The following HEG1 variants were observed in gnomAD, a reference collection of about 807,000 sequenced individuals.
HEG1 encodes heart development protein with EGF like domains 1.
HEG1 carries 56 observed loss-of-function variants against 125.6 expected under a neutral mutation model. The observed-to-expected ratio is 0.45, with a 90% CI of 0.36 to 0.56. The LOEUF is 0.56. HEG1 is among the 20% of genes least tolerant of loss of function. HEG1 has a pLI of 0.00. For synonymous variants in HEG1, 644 were observed against 668.5 expected (o/e 0.96, Z 0.57); for missense variants, 1,523 against 1,670.0 (o/e 0.91, Z 1.53).
At chr3:125,050,708 G>T (rs1937787009) in intron 1 of HEG1, among the ~76,000 whole-genome samples, 1 of 152,086 alleles carries the variant, frequency 6.6e-6, no homozygotes, top group Non-Finnish European at 1.5e-5. Context: ...GTTCCCTGGG[G>T]GCATCACAGA....
At chr3:125,010,013 A>G (rs905517298) in intron 7 of HEG1, among the ~76,000 whole-genome samples, 189 bp from the exon 8 acceptor site, 1 of 152,250 alleles carries the variant, frequency 6.6e-6, no homozygotes, top group African/African-American at 2.4e-5. Context: ...CACATAAACA[A>G]CTAACTGTAA....
chr3:124,982,374 C>G (rs1170956990), intron 14 of HEG1, among the ~76,000 whole-genome samples: 2 of 152,220 alleles, frequency 1.3e-5, no homozygotes, highest in East Asian at 3.8e-4. Context: ...TAAGTGCCAA[C>G]TGAAGTGTTT....
At position 125,010,520 on chromosome 3, in the gene HEG1, C is replaced by G; in HGVS notation, c.2992G>C (p.Gly998Arg). 1 of 1,559,650 alleles carries G rather than the reference C, an allele frequency of 6.4e-7. No individual in the cohort carries two copies. The highest frequency in any genetic ancestry group is 8.7e-7 in the Non-Finnish European group (1 of 1,151,136). ...CTGGTGTTGTCTGCGACGCATTCGC[C>G]ATTGTGAAGACAAGGGTTCACAGCA... is the stretch of plus-strand genomic sequence containing the variant. ...SCAVNPCLHN[G>R]ECVADNTSRG... Residue 998 changes from glycine (G) to arginine (R), a missense_variant, in exon 7 of 17, where the codon GGC (glycine) becomes CGC (arginine). Physicochemically the swap from Gly to Arg is moderately radical, Grantham distance 125. Coordinates refer to ENST00000311127, the MANE Select transcript of HEG1 (RefSeq NM_020733.2).
In HEG1 at chr3:124,969,525, G is replaced by A. The variant is rs1233846044; in HGVS notation, c.*1127C>T. 3 of 152,334 alleles carry A rather than the reference G, an allele frequency of 2.0e-5. No individual in the cohort carries two copies. Among genetic ancestry groups the A allele is most frequent in the South Asian group, 4.1e-4 (2 of 4,826 alleles). The allele number at this position is 152,334 out of a possible 1,614,324, so 9.4% of individuals were successfully genotyped here. A position where few individuals can be genotyped will look rare whatever the true frequency, so the allele number is the denominator to read the frequency against. On this transcript the variant is annotated 3_prime_UTR_variant, in exon 17 of 17. Coordinates refer to ENST00000311127, the MANE Select transcript of HEG1 (RefSeq NM_020733.2). ...GGTTGAAAGTTTACATGGGGTTTGT[G>A]GACATGAGATTCTGGGTACAAAGTG...
chr3:124,994,046 C>A (rs932176940), intron 12 of HEG1, among the ~76,000 whole-genome samples: 1 of 152,152 alleles, frequency 6.6e-6, no homozygotes, highest in African/African-American at 2.4e-5. Context: ...ACGTTTTTGG[C>A]ACCAGTGACT....
chr3:125,050,278 G>A (rs1456681559), intron 1 of HEG1, among the ~76,000 whole-genome samples: 3 of 152,112 alleles, frequency 2.0e-5, no homozygotes, highest in African/African-American at 7.2e-5. Context: ...TGAGTAGCTG[G>A]GATTACAGGC....
intron 1 of HEG1, among the ~76,000 whole-genome samples, chr3:125,039,854 A>C (rs941800914): frequency 4.7e-5 from 7 of 149,920 alleles, no homozygotes; most frequent in African/African-American, 1.7e-4. Context: ...AAAAAACAAC[A>C]AAAAAAAACA....
rs142811105 is a variant in HEG1 at position 124,987,847 on chromosome 3, A to G, written c.3733+2940T>C. ...GCCTCTCTGTTTCTAACAATATCTTAGGATCAGGTCCGCAGGCTTGTGATG... is the reference window on the plus strand; with the variant it reads ...GCCTCTCTGTTTCTAACAATATCTTGGGATCAGGTCCGCAGGCTTGTGATG... On this transcript the variant is annotated intron_variant, in intron 14 of 16. Coordinates refer to ENST00000311127, the MANE Select transcript of HEG1 (RefSeq NM_020733.2). 2.1e-3 allele frequency among the ~76,000 whole-genome samples: 308 copies of G among 150,052 alleles called. 1 individual carries two copies. Among genetic ancestry groups the G allele is most frequent in the African/African-American group, 6.3e-3 (258 of 41,138 alleles).
At chr3:124,998,163 C>T (rs112164776) in intron 11 of HEG1, among the ~76,000 whole-genome samples, 29 of 152,248 alleles carry the variant, frequency 1.9e-4, no homozygotes, top group African/African-American at 5.8e-4. Context: ...TTAATGGCCC[C>T]GTGTCTTCCA....
At chr3:124,984,632 G>A (rs183556669) in intron 14 of HEG1, among the ~76,000 whole-genome samples, 12 of 152,034 alleles carry the variant, frequency 7.9e-5, no homozygotes, top group Admixed American at 4.6e-4. Flanking sequence ...TGGTGGTGGG[G>A]CCTGTAATTC....
chr3:125,005,635 G>C (rs891106457), intron 8 of HEG1, among the ~76,000 whole-genome samples: 1 of 152,190 alleles, frequency 6.6e-6, no homozygotes, highest in Non-Finnish European at 1.5e-5. Context: ...TATGTGCAAG[G>C]CTGCTAAGAG....
chr3:125,055,466 A>C (rs146587276), intron 1 of HEG1, 109 bp downstream of exon 1: 2 of 730,398 alleles, frequency 2.7e-6, no homozygotes, highest in Non-Finnish European at 3.6e-6. Context: ...AGGAGCCCCC[A>C]CCCTGGGTCG....
chr3:125,002,102 G>A, intron 10 of HEG1, 90 bp from the exon 11 acceptor site: 2 of 1,537,218 alleles, frequency 1.3e-6, no homozygotes, highest in Non-Finnish European at 1.8e-6. Flanking sequence ...CCATTCACCA[G>A]TGACGGGATG....
chr3:125,043,333 G>A (rs1373293625), intron 1 of HEG1, among the ~76,000 whole-genome samples: 1 of 152,278 alleles, frequency 6.6e-6, no homozygotes, highest in Non-Finnish European at 1.5e-5. Context: ...CGGGCATGAA[G>A]GAGGGATACA....
intron 12 of HEG1, among the ~76,000 whole-genome samples, chr3:124,992,534 G>GGA (rs1936851500): frequency 6.7e-6 from 1 of 149,938 alleles, no homozygotes; most frequent in Non-Finnish European, 1.5e-5. Flanking sequence ...ATACTTGATG[G>GGA]GATGGCAGAC....
chr3:125,021,169 G>A (rs750024528), intron 3 of HEG1, 39 bp from the exon 4 acceptor site: 11 of 1,455,254 alleles, frequency 7.6e-6, no homozygotes, highest in Non-Finnish European at 8.3e-6. Flanking sequence ...TTACTCAGGA[G>A]TTTAAGAAAA....
chr3:125,037,788 G>C (rs1317154149), intron 1 of HEG1, among the ~76,000 whole-genome samples: 2 of 152,160 alleles, frequency 1.3e-5, no homozygotes, highest in East Asian at 3.9e-4. Flanking sequence ...GGCAGTGGGG[G>C]AATACACAGA....
At chr3:125,017,501 T>C (rs1378066151) in intron 5 of HEG1, among the ~76,000 whole-genome samples, 1 of 152,072 alleles carries the variant, frequency 6.6e-6, no homozygotes, top group Non-Finnish European at 1.5e-5. Flanking sequence ...AACTGGAAAA[T>C]ACAAGTCAAA....
intron 1 of HEG1, among the ~76,000 whole-genome samples, chr3:125,036,275 T>C (rs1937546930): frequency 1.4e-5 from 2 of 144,052 alleles, no homozygotes; most frequent in African/African-American, 5.2e-5. Context: ...CTTGGAATGA[T>C]ACAAAATTGT....
Sources: allele counts gnomAD v4.1 joint callset (sites outside exome capture counted in the v4.1 genomes callset), GRCh38; gene constraint gnomAD v4.1.1; transcripts MANE v1.5; gene names NCBI Gene and HGNC (gene_info 2026-07-23, HGNC 2026-07-21).